SLC4A10: variants seen among roughly 807,000 people sequenced by gnomAD.
The protein encoded by SLC4A10 is sodium-driven chloride bicarbonate exchanger.
Under a neutral mutation model 137.7 loss-of-function variants are expected in SLC4A10, and 42 were observed. The ratio of observed to expected loss-of-function variants is 0.30; its 90% CI spans 0.24 to 0.39. SLC4A10 has a LOEUF of 0.39. Among genes scored for constraint, SLC4A10 ranks in the 10% least tolerant of loss-of-function variants. The probability of loss-of-function intolerance (pLI) is 1.00; values close to 1 mark genes in which losing one functional copy is unlikely to be tolerated. For missense variants in SLC4A10, 925 were observed against 1,355.0 expected (o/e 0.68, Z 4.98); for synonymous variants, 474 against 464.1 (o/e 1.02, Z -0.27).
In SLC4A10 at chr2:161,820,411, A is replaced by G. The variant is rs182683679; in HGVS notation, c.277+15816A>G. ...AATTATCACACCAGAACATCTGTGT[A>G]ATACCACCTTGGCTGGCACTCTAGA... On this transcript the variant is annotated intron_variant, in intron 3 of 26. Coordinates refer to ENST00000446997, the MANE Select transcript of SLC4A10 (RefSeq NM_001178015.2). 1.6e-4 allele frequency among the ~76,000 whole-genome samples: 25 copies of G among 152,360 alleles called. No individual in the cohort carries two copies. In the East Asian group the frequency reaches 4.6e-3, roughly 28 times the overall value.
At chr2:161,737,037 T>C (rs2047416577) in intron 1 of SLC4A10, among the ~76,000 whole-genome samples, 1 of 151,692 alleles carries the variant, frequency 6.6e-6, no homozygotes, top group Non-Finnish European at 1.5e-5. Flanking sequence ...TTTTTTTTTT[T>C]CCATGGAGAC....
At chr2:161,872,539 T>A (rs2061195029) in intron 7 of SLC4A10, among the ~76,000 whole-genome samples, 155 bp downstream of exon 7, 1 of 128,282 alleles carries the variant, frequency 7.8e-6, no homozygotes, top group Admixed American at 8.8e-5. Flanking sequence ...TAAGTCCACA[T>A]GTAACATTTT....
At chr2:161,846,862 T>G (rs1038866546) in intron 4 of SLC4A10, among the ~76,000 whole-genome samples, 7 of 151,992 alleles carry the variant, frequency 4.6e-5, no homozygotes, top group Admixed American at 2.0e-4. Flanking sequence ...GCACAAGGGA[T>G]TTCTTTTGTG....
intron 4 of SLC4A10, among the ~76,000 whole-genome samples, chr2:161,840,785 C>A (rs1294688120): frequency 6.6e-6 from 1 of 152,214 alleles, no homozygotes; most frequent in Non-Finnish European, 1.5e-5. Context: ...GACTACCAAT[C>A]ACCTGGAATA....
intron 1 of SLC4A10, among the ~76,000 whole-genome samples, chr2:161,690,155 A>T (rs2041836396): frequency 6.6e-6 from 1 of 152,204 alleles, no homozygotes; most frequent in Non-Finnish European, 1.5e-5. Flanking sequence ...GACACTTCTC[A>T]AAAGAAGACA....
chr2:161,927,198 A>G lies in SLC4A10; in HGVS notation c.1998-15594A>G, dbSNP rs186499990. On this transcript the variant is annotated intron_variant, in intron 15 of 26. Coordinates refer to ENST00000446997, the MANE Select transcript of SLC4A10 (RefSeq NM_001178015.2). ...CTCCCGGTCACTTTCAGGTACACCA[A>G]TCGGACGTAGATTTGTTCTTTTCAC... Among the ~76,000 whole-genome samples the G allele has an allele frequency of 3.1e-3, 472 of 152,308 alleles. 4 individuals carry two copies. Among genetic ancestry groups the G allele is most frequent in the Non-Finnish European group, 2.2e-3 (148 of 68,028 alleles).
chr2:161,749,215 A>G (rs1574743750), intron 1 of SLC4A10, among the ~76,000 whole-genome samples: 2 of 152,104 alleles, frequency 1.3e-5, no homozygotes, highest in African/African-American at 4.8e-5. Flanking sequence ...GAATTATGTC[A>G]TCTATAAACA....
intron 2 of SLC4A10, among the ~76,000 whole-genome samples, chr2:161,795,840 T>C (rs2054714364): frequency 6.6e-6 from 1 of 152,056 alleles, no homozygotes; most frequent in South Asian, 2.1e-4. Context: ...TAAAGGCTAG[T>C]TTCTTTTTTT....
chr2:161,953,375 C>G (rs562747142), intron 19 of SLC4A10, among the ~76,000 whole-genome samples: 6 of 152,008 alleles, frequency 3.9e-5, no homozygotes, highest in Admixed American at 1.3e-4. Flanking sequence ...TTTGGGAGGC[C>G]GAGACAGGTG....
At chr2:161,859,392 G>T (rs62187758) in intron 5 of SLC4A10, among the ~76,000 whole-genome samples, 9,083 of 150,204 alleles carry the variant, frequency 0.06, 363 homozygotes, top group East Asian at 0.13. Flanking sequence ...CTGGGTTCAA[G>T]CAATTCTCCT....
chr2:161,833,747 G>A (rs1045224888), intron 3 of SLC4A10, among the ~76,000 whole-genome samples: 1 of 152,084 alleles, frequency 6.6e-6, no homozygotes, highest in Non-Finnish European at 1.5e-5. Context: ...AATCCCCAAA[G>A]CCATACAACA....
chr2:161,849,122 C>A (rs1331691203), intron 4 of SLC4A10, among the ~76,000 whole-genome samples: 1 of 151,904 alleles, frequency 6.6e-6, no homozygotes, highest in Admixed American at 6.6e-5. Context: ...CTTTTACGTC[C>A]CTGTTTAGTT....
intron 1 of SLC4A10, among the ~76,000 whole-genome samples, chr2:161,733,147 G>A (rs749458984): frequency 3.9e-5 from 6 of 152,172 alleles, no homozygotes; most frequent in Non-Finnish European, 8.8e-5. Context: ...GTAATGAGGA[G>A]CCGCATGTTA....
chr2:161,662,788 T>A (rs189968585), intron 1 of SLC4A10, among the ~76,000 whole-genome samples: 9 of 152,370 alleles, frequency 5.9e-5, no homozygotes, highest in Admixed American at 2.6e-4. Context: ...CAGTAACAGT[T>A]ACCTATTGCT....
chr2:161,851,834 G>C (rs1430306088), intron 4 of SLC4A10, among the ~76,000 whole-genome samples: 4 of 152,098 alleles, frequency 2.6e-5, no homozygotes, highest in Non-Finnish European at 4.4e-5. Flanking sequence ...AATGTACGAA[G>C]ACTTTTCAGG....
intron 1 of SLC4A10, among the ~76,000 whole-genome samples, chr2:161,732,193 T>C (rs1574633190): frequency 6.6e-6 from 1 of 152,154 alleles, no homozygotes; most frequent in African/African-American, 2.4e-5. Context: ...TCATTGGCAA[T>C]TGGTGATCAA....
At chr2:161,647,690 CATG>C (rs2036242866) in intron 1 of SLC4A10, among the ~76,000 whole-genome samples, 3 of 152,160 alleles carry the variant, frequency 2.0e-5, no homozygotes, top group Admixed American at 2.0e-4. Context: ...AAAGTATTAG[CATG>C]ATATTATTAA....
intron 10 of SLC4A10, among the ~76,000 whole-genome samples, chr2:161,888,353 G>T (rs1483196549): frequency 6.6e-6 from 1 of 152,108 alleles, no homozygotes; most frequent in Non-Finnish European, 1.5e-5. Flanking sequence ...GCTTGATGGG[G>T]ATAGCATTGA....
intron 24 of SLC4A10, 25 bp downstream of exon 24, chr2:161,974,341 T>A: frequency 6.5e-7 from 1 of 1,548,102 alleles, no homozygotes. Context: ...TAAAAACACA[T>A]CAATTAAAGT....
Sources: allele counts gnomAD v4.1 joint callset (sites outside exome capture counted in the v4.1 genomes callset), GRCh38; gene constraint gnomAD v4.1.1; transcripts MANE v1.5; gene names NCBI Gene and HGNC (gene_info 2026-07-23, HGNC 2026-07-21).